The following DLX1 variants were observed in gnomAD, a reference collection of about 807,000 sequenced individuals.
DLX1 encodes distal-less homeobox 1, also known as homeobox protein DLX-1.
A neutral mutation model predicts 25.0 loss-of-function variants in DLX1; 7 were observed. The ratio of observed to expected loss-of-function variants is 0.28; its 90% CI spans 0.16 to 0.52. The LOEUF (loss-of-function observed/expected upper bound fraction) is 0.52. Among genes scored for constraint, DLX1 ranks in the 20% least tolerant of loss-of-function variants. The pLI is 0.96. For synonymous variants in DLX1, 155 were observed against 140.3 expected (o/e 1.10, Z -0.74); for missense variants, 233 against 334.4 (o/e 0.70, Z 2.37).
At position 172,086,803 on chromosome 2, in the gene DLX1, C is replaced by T. The variant is rs201479035; in HGVS notation, c.463C>T (p.Leu155=). ...GTTCCAGCAAACTCAGTACCTAGCT[C>T]TGCCGGAGAGGGCGGAGCTCGCGGC... ...RRFQQTQYLA[L]PERAELAASL... is the part of the protein sequence containing the mutation. Residue 155 remains leucine (L), a synonymous_variant, in exon 2 of 3, where the codon CTG becomes TTG. Coordinates refer to ENST00000361725, the MANE Select transcript of DLX1 (RefSeq NM_178120.5). 1 of 1,614,282 alleles carries T rather than the reference C, an allele frequency of 6.2e-7. No individual in the cohort carries two copies. Among genetic ancestry groups the T allele is most frequent in the Non-Finnish European group, 8.5e-7 (1 of 1,180,040 alleles).
At chr2:172,087,688 G>T in intron 2 of DLX1, 1 of 588,350 alleles carries the variant, frequency 1.7e-6, no homozygotes, top group Admixed American at 2.2e-5. Flanking sequence ...TTCCGCAGGC[G>T]GTAGCCACGG....
chr2:172,088,279 T>G lies in DLX1; in HGVS notation c.*22T>G. The stretch of plus-strand genomic sequence containing the variant: ...GTGAGGTTGCCCGCCCGTCTCCTTC[T>G]TGTCTCCCCGGCCCAGGTCCCTCCC... On this transcript the variant is annotated 3_prime_UTR_variant, in exon 3 of 3. Coordinates refer to ENST00000361725, the MANE Select transcript of DLX1 (RefSeq NM_178120.5). 6.9e-7 allele frequency: 1 copy of G among 1,442,026 alleles called. No individual in the cohort carries two copies. The highest frequency in any genetic ancestry group is 9.2e-7 in the Non-Finnish European group (1 of 1,088,420). The allele number at this position is 1,442,026 out of a possible 1,614,324, so 89.3% of individuals were successfully genotyped here.
At chr2:172,087,980 C>A in intron 2 of DLX1, 23 bp from the exon 3 acceptor site, 1 of 1,505,548 alleles carries the variant, frequency 6.6e-7, no homozygotes, top group South Asian at 1.4e-5. Context: ...CAGCCTGAGT[C>A]ACGTTGTTGT....
intron 2 of DLX1, chr2:172,087,402 G>T (rs1200139930): frequency 1.6e-4 from 64 of 412,216 alleles, no homozygotes; most frequent in South Asian, 1.1e-3. Context: ...TCCTGACGGC[G>T]GCGGGCGCGG....
chr2:172,087,342 G>C (rs1481076971), intron 2 of DLX1: 6 of 369,818 alleles, frequency 1.6e-5, no homozygotes, highest in Non-Finnish European at 3.2e-5. Flanking sequence ...GAGAAGAAAC[G>C]GGACCTTCCT....
At position 172,086,829 on chromosome 2, in the gene DLX1, C is replaced by T; in HGVS notation, c.489C>T (p.Ala163=). The part of the protein sequence containing the change: ...LALPERAELA[A]SLGLTQTQVK... ...TGCCGGAGAGGGCGGAGCTCGCGGC[C>T]TCTTTGGGACTCACACAGACTCAGG... The change falls in exon 2 of 3, where the codon GCC becomes GCT. Residue 163 remains alanine, a synonymous_variant. Transcript: ENST00000361725. The T allele has an allele frequency of 3.7e-6, 6 of 1,614,258 alleles. No homozygotes were observed. The highest frequency in any genetic ancestry group is 5.1e-6 in the Non-Finnish European group (6 of 1,180,046).
intron 2 of DLX1, 63 bp downstream of exon 2, chr2:172,086,916 T>C (rs1239514086): frequency 6.4e-7 from 1 of 1,550,684 alleles, no homozygotes; most frequent in Non-Finnish European, 8.9e-7. Context: ...TGCGCCCGGG[T>C]CTTCATTTGT....
chr2:172,086,006 A>G lies in DLX1; in HGVS notation c.313+16A>G. 2 of 1,538,998 alleles carry G rather than the reference A, an allele frequency of 1.3e-6. No individual in the cohort carries two copies. The highest frequency in any genetic ancestry group is 1.8e-6 in the Non-Finnish European group (2 of 1,132,030). On this transcript the variant is annotated intron_variant, in intron 1 of 2. Transcript: ENST00000361725. ...GAGGACCCAGGTACGTGCGCTTGCC[A>G]GGGAGAGGGAGAGGAGGAGGTACAA...
intron 1 of DLX1, 163 bp from the exon 2 acceptor site, chr2:172,086,491 G>A (rs1177021569): frequency 1.5e-6 from 1 of 658,790 alleles, no homozygotes; most frequent in Non-Finnish European, 2.5e-6. Context: ...CCCGGGACAG[G>A]CCCTCGGATT....
chr2:172,087,127 G>T (rs1010302702), intron 2 of DLX1: 2 of 674,210 alleles, frequency 3.0e-6, no homozygotes, highest in South Asian at 1.5e-5. Flanking sequence ...CAGACGATTT[G>T]TTTGGGAACT....
rs781303400 is a variant in DLX1 at position 172,085,870 on chromosome 2, C to A, written c.193C>A (p.Arg65=). The A allele has an allele frequency of 5.6e-6, 9 of 1,614,230 alleles. No individual in the cohort carries two copies. Among genetic ancestry groups the A allele is most frequent in the Non-Finnish European group, 7.6e-6 (9 of 1,180,040 alleles). The part of the protein sequence containing the change: ...GAYSSASSFS[R]PLGYPYVNSV... ...CTACAGCTCAGCCTCGTCCTTCTCC[C>A]GACCGCTGGGCTACCCCTACGTCAA... The change falls in exon 1 of 3, where the codon CGA becomes AGA. Residue 65 remains arginine (R), a synonymous_variant. Coordinates refer to ENST00000361725, the MANE Select transcript of DLX1 (RefSeq NM_178120.5). This position sits in a 1 kb window ranked among gnomAD's most constrained non-coding sequence, Gnocchi z 4.3.
At position 172,085,652 on chromosome 2, in the gene DLX1, C is replaced by G; in HGVS notation, c.-26C>G. 1 of 1,597,974 alleles carries G rather than the reference C, an allele frequency of 6.3e-7. No individual in the cohort carries two copies. Among genetic ancestry groups the G allele is most frequent in the Non-Finnish European group, 8.5e-7 (1 of 1,172,358 alleles). On this transcript the variant is annotated 5_prime_UTR_variant, in exon 1 of 3. Transcript: ENST00000361725. The surrounding 1 kb of genome is among the most constrained non-coding windows in gnomAD (Gnocchi z 4.3). Reference sequence around the variant, plus strand: ...AAAAGGGAAGCAGAGGAGAGAAAGTCCCACACCCAGACCCCGCGAGAAGAG... The same window carrying G: ...AAAAGGGAAGCAGAGGAGAGAAAGTGCCACACCCAGACCCCGCGAGAAGAG...
chr2:172,086,934 T>C, intron 2 of DLX1, 81 bp downstream of exon 2: 2 of 1,442,906 alleles, frequency 1.4e-6, no homozygotes, highest in Non-Finnish European at 2.0e-6. Context: ...TGTTGCTCGC[T>C]GGGACTCAGG....
At chr2:172,087,153 C>A in intron 2 of DLX1, 1 of 635,104 alleles carries the variant, frequency 1.6e-6, no homozygotes. Flanking sequence ...GTCACACGTG[C>A]CTAAACAACT....
chr2:172,087,227 G>T, intron 2 of DLX1: 2 of 417,738 alleles, frequency 4.8e-6, no homozygotes, highest in Non-Finnish European at 9.4e-6. Context: ...ATCACTCGGG[G>T]CCTGGGTCCG....
chr2:172,088,445 C>T lies in DLX1; in HGVS notation c.*188C>T. 1.4e-6 allele frequency: 1 copy of T among 719,556 alleles called. No individual in the cohort carries two copies. 44.6% of individuals were successfully genotyped at this position (719,556 alleles called of 1,614,324 possible). A position where few individuals can be genotyped will look rare whatever the true frequency, so the allele number is the denominator to read the frequency against. On this transcript the variant is annotated 3_prime_UTR_variant, in exon 3 of 3. Transcript: ENST00000361725. Reference sequence around the variant, plus strand: ...CCCGGCATCCGCGCTCTAGCCTGAACCCTGGCCTGGGCCGAGCAGTGGCAG... The same window carrying T: ...CCCGGCATCCGCGCTCTAGCCTGAATCCTGGCCTGGGCCGAGCAGTGGCAG...
chr2:172,086,293 G>A (rs1690837975), intron 1 of DLX1: 2 of 480,386 alleles, frequency 4.2e-6, no homozygotes, highest in Non-Finnish European at 7.3e-6. Context: ...AGCACACAAT[G>A]CCCCGCTGGA....
In DLX1 at chr2:172,085,743, G is replaced by A; in HGVS notation, c.66G>A (p.Glu22=). Residue 22 remains glutamate (E), a synonymous_variant, in exon 1 of 3, where the codon GAG becomes GAA. Transcript: ENST00000361725. This position sits in a 1 kb window ranked among gnomAD's most constrained non-coding sequence, Gnocchi z 4.3. ...TGTCGGGCAAGGCGGTGTTTATGGA[G>A]TTTGGGCCGCCCAACCAGCAAATGT... is the stretch of plus-strand genomic sequence containing the variant. ...SPVSGKAVFM[E]FGPPNQQMSP... is the part of the protein sequence containing the mutation. 1.2e-6 allele frequency: 2 copies of A among 1,614,148 alleles called. No individual in the cohort carries two copies. Among genetic ancestry groups the A allele is most frequent in the Non-Finnish European group, 1.7e-6 (2 of 1,180,046 alleles).
At chr2:172,086,580 A>G in intron 1 of DLX1, 74 bp from the exon 2 acceptor site, 2 of 1,412,736 alleles carry the variant, frequency 1.4e-6, no homozygotes, top group Admixed American at 2.4e-5. Context: ...TTCGGTAGCC[A>G]CTCGCTCTCG....
Sources: allele counts gnomAD v4.1 joint callset, GRCh38; gene constraint gnomAD v4.1.1; non-coding constraint Gnocchi (gnomAD v3.1); transcripts MANE v1.5; gene names NCBI Gene and HGNC (gene_info 2026-07-23, HGNC 2026-07-21).